PRORP: variants seen among roughly 807,000 people sequenced by gnomAD.
PRORP encodes the protein protein only RNase P catalytic subunit.
Under a neutral mutation model 59.4 loss-of-function variants are expected in PRORP, and 51 were observed. That is an observed-to-expected ratio of 0.86 (90% CI 0.69 to 1.08). The LOEUF is 1.08. PRORP is among the 50% of genes least tolerant of loss of function. The pLI, the probability that PRORP is intolerant of heterozygous loss-of-function variation, is 0.00. For missense variants in PRORP, 646 were observed against 690.3 expected (o/e 0.94, Z 0.72); for synonymous variants, 231 against 245.6 (o/e 0.94, Z 0.55).
chr14:35,246,827 T>C (rs1042085748), intron 5 of PRORP, among the ~76,000 whole-genome samples: 1 of 152,196 alleles, frequency 6.6e-6, no homozygotes, highest in Non-Finnish European at 1.5e-5. Context: ...CTGTCTTTTG[T>C]TTTATTCTTT....
intron 4 of PRORP, among the ~76,000 whole-genome samples, chr14:35,146,897 G>T (rs372437618): frequency 9.2e-5 from 14 of 152,234 alleles, no homozygotes; most frequent in African/African-American, 3.1e-4. Flanking sequence ...TTCGACACCA[G>T]CCCGGGGAAC....
chr14:35,181,425 A>T (rs901594049), intron 5 of PRORP, among the ~76,000 whole-genome samples: 1 of 152,216 alleles, frequency 6.6e-6, no homozygotes, highest in Non-Finnish European at 1.5e-5. Flanking sequence ...CCTGGGTTTC[A>T]GACTTGTGGC....
intron 5 of PRORP, chr14:35,235,485 T>C: frequency 1.6e-6 from 1 of 626,876 alleles, no homozygotes; most frequent in South Asian, 1.5e-5. Context: ...ACTAGCTTGA[T>C]GGGATCCACT....
At chr14:35,190,484 C>G (rs1595274923) in intron 5 of PRORP, among the ~76,000 whole-genome samples, 1 of 151,406 alleles carries the variant, frequency 6.6e-6, no homozygotes, top group African/African-American at 2.4e-5. Context: ...GAAACTATGA[C>G]TAAATTTATT....
chr14:35,194,260 T>G (rs777577345), intron 5 of PRORP, among the ~76,000 whole-genome samples: 1 of 152,208 alleles, frequency 6.6e-6, no homozygotes, highest in African/African-American at 2.4e-5. Context: ...GTTTGTCTAT[T>G]ATTGGTGTAC....
intron 4 of PRORP, among the ~76,000 whole-genome samples, chr14:35,152,352 A>C (rs2047779093): frequency 6.6e-6 from 1 of 152,168 alleles, no homozygotes. Flanking sequence ...ACACAGCAAC[A>C]ATCTGATTTC....
At chr14:35,204,421 G>A (rs918093843) in intron 5 of PRORP, among the ~76,000 whole-genome samples, 1 of 152,090 alleles carries the variant, frequency 6.6e-6, no homozygotes, top group Non-Finnish European at 1.5e-5. Flanking sequence ...TGATTTTAAT[G>A]TATACATTTT....
chr14:35,273,419 C>G lies in PRORP; in HGVS notation c.1621-16C>G, dbSNP rs775937633. The G allele has an allele frequency of 8.1e-6, 13 of 1,595,960 alleles. No homozygotes were observed. Among genetic ancestry groups the G allele is most frequent in the Non-Finnish European group, 1.1e-5 (13 of 1,172,800 alleles). ...AGTGTTGTTCTCAATGTTTTGTTCT[C>G]TTTTTAATTCAACAGCGTATTCTCA... On this transcript the variant is annotated splice_polypyrimidine_tract_variant and intron_variant, in intron 7 of 7. Transcript: ENST00000534898.
chr14:35,267,324 A>C (rs2051066356), intron 6 of PRORP, among the ~76,000 whole-genome samples: 1 of 152,192 alleles, frequency 6.6e-6, no homozygotes, highest in African/African-American at 2.4e-5. Context: ...GATTAGTACT[A>C]TGGGGACAAT....
At chr14:35,185,278 T>C (rs2048716103) in intron 5 of PRORP, among the ~76,000 whole-genome samples, 2 of 152,222 alleles carry the variant, frequency 1.3e-5, no homozygotes, top group African/African-American at 4.8e-5. Context: ...TGATCAGTGA[T>C]ATTGAGCTTT....
At chr14:35,216,263 G>C (rs1377114507) in intron 5 of PRORP, among the ~76,000 whole-genome samples, 2 of 149,012 alleles carry the variant, frequency 1.3e-5, no homozygotes, top group African/African-American at 4.9e-5. Context: ...TTATGTGTGC[G>C]TGTGTGTCAT....
At chr14:35,265,643 G>A (rs1415626750) in intron 5 of PRORP, among the ~76,000 whole-genome samples, 2 of 152,118 alleles carry the variant, frequency 1.3e-5, no homozygotes, top group African/African-American at 4.8e-5. Flanking sequence ...AAAGGAGGCA[G>A]TATTAGCAAT....
intron 6 of PRORP, among the ~76,000 whole-genome samples, chr14:35,270,117 T>G (rs1331033977): frequency 6.6e-6 from 1 of 152,196 alleles, no homozygotes; most frequent in Non-Finnish European, 1.5e-5. Context: ...AACTTTTAAG[T>G]GTGAAGAGAG....
intron 5 of PRORP, among the ~76,000 whole-genome samples, chr14:35,231,205 A>G (rs2050071554): frequency 6.6e-6 from 1 of 152,234 alleles, no homozygotes; most frequent in Non-Finnish European, 1.5e-5. Flanking sequence ...TGAGGAGAAT[A>G]TATACCAGTT....
rs79343478 is a variant in PRORP, at chr14:35,204,729, A to G, written c.1275+23952A>G. On this transcript the variant is annotated intron_variant, in intron 5 of 7. Transcript: ENST00000534898. ...CGGTAACTCTATGTACAAGAACTGCAAGTAACATTTCTTAGATTTCTCAGA... is the reference window on the plus strand; with the variant it reads ...CGGTAACTCTATGTACAAGAACTGCGAGTAACATTTCTTAGATTTCTCAGA... Among the ~76,000 whole-genome samples the G allele has an allele frequency of 5.2e-3, 793 of 152,340 alleles. 8 individuals carry two copies. Among genetic ancestry groups the G allele is most frequent in the African/African-American group, 0.018 (747 of 41,566 alleles).
chr14:35,231,642 A>G (rs776140281), intron 5 of PRORP, among the ~76,000 whole-genome samples: 2 of 152,208 alleles, frequency 1.3e-5, no homozygotes, highest in Non-Finnish European at 2.9e-5. Flanking sequence ...TGGAGTAGTC[A>G]TAGTAGGACA....
chr14:35,126,005 G>A (rs1461459382), intron 2 of PRORP, among the ~76,000 whole-genome samples: 1 of 152,186 alleles, frequency 6.6e-6, no homozygotes, highest in East Asian at 1.9e-4. Flanking sequence ...CTGGGCGACA[G>A]AGCAAGACCT....
At chr14:35,129,113 C>T (rs1299222753) in intron 4 of PRORP, among the ~76,000 whole-genome samples, 1 of 151,510 alleles carries the variant, frequency 6.6e-6, no homozygotes, top group East Asian at 1.9e-4. Context: ...GAGGTTGAGG[C>T]AGGAGAATCG....
chr14:35,151,676 A>ACACACACACG (rs1477268706), intron 4 of PRORP, among the ~76,000 whole-genome samples: 12 of 147,448 alleles, frequency 8.1e-5, no homozygotes, highest in Admixed American at 2.7e-4. Context: ...ACACACACAC[A>ACACACACACG]CAGAGCTTTT....
Sources: allele counts gnomAD v4.1 joint callset (sites outside exome capture counted in the v4.1 genomes callset), GRCh38; gene constraint gnomAD v4.1.1; transcripts MANE v1.5; gene names NCBI Gene and HGNC (gene_info 2026-07-23, HGNC 2026-07-21).